The following AGPAT3 variants were observed in gnomAD, a reference collection of about 807,000 sequenced individuals.
AGPAT3 encodes 1-acyl-sn-glycerol-3-phosphate acyltransferase gamma.
AGPAT3 carries 5 observed loss-of-function variants against 47.3 expected under a neutral mutation model. The ratio of observed to expected loss-of-function variants is 0.11; its 90% CI spans 0.06 to 0.22. The LOEUF is 0.22. AGPAT3 is among the 10% of genes least tolerant of loss of function. The pLI is 1.00. For missense variants in AGPAT3, 315 were observed against 493.0 expected (o/e 0.64, Z 3.42); for synonymous variants, 212 against 208.3 (o/e 1.02, Z -0.15).
chr21:43,968,989 C>T (rs2089275535), intron 4 of AGPAT3, 129 bp from the exon 5 acceptor site: 1 of 955,592 alleles, frequency 1.0e-6, no homozygotes. Context: ...ACAGCAGACC[C>T]CCTGAGCCAC....
At chr21:43,978,902 A>T (rs905684671) in intron 8 of AGPAT3, among the ~76,000 whole-genome samples, 1 of 152,228 alleles carries the variant, frequency 6.6e-6, no homozygotes. Context: ...TGCATGGGGC[A>T]TTCGATTTCC....
Position 43,899,553 on chromosome 21 carries a change from C to T in AGPAT3, c.-111-4404C>T, listed in dbSNP as rs145662863. ...ATCCCCGGGACGCCCTTGCCCTTAC[C>T]GAGTGCGTTGGGGAGGGCTGGCAGA... On this transcript the variant is annotated intron_variant, in intron 1 of 9. Coordinates refer to ENST00000291572, the MANE Select transcript of AGPAT3 (RefSeq NM_020132.5). Among the ~76,000 whole-genome samples the T allele has an allele frequency of 3.8e-4, 58 of 152,278 alleles. 2 individuals carry two copies. The East Asian group carries it at 8.9e-3, about 23-fold the overall frequency.
rs894460419 is a variant in AGPAT3 at position 43,981,142 on chromosome 21, G to A, written c.997G>A (p.Gly333Arg). ...FSFVLGVFAS[G>R]SPLLILTFLG... ...TTTTGTCTTGGGCGTCTTTGCCAGC[G>A]GATCACCTCTCCTGATCCTGACTTT... is the stretch of plus-strand genomic sequence containing the variant. The change falls in exon 9 of 10, where the codon GGA becomes AGA. Residue 333 changes from glycine to arginine, a missense_variant. Gly to Arg is a moderately radical substitution (Grantham distance 125). Transcript: ENST00000291572. This position sits in a 1 kb window ranked among gnomAD's most constrained non-coding sequence, Gnocchi z 5.3. 11 of 1,614,136 alleles carry A rather than the reference G, an allele frequency of 6.8e-6. No individual in the cohort carries two copies. The highest frequency in any genetic ancestry group is 1.1e-5 in the South Asian group (1 of 91,078).
intron 1 of AGPAT3, among the ~76,000 whole-genome samples, chr21:43,870,067 G>A (rs1198907033): frequency 6.6e-6 from 1 of 152,168 alleles, no homozygotes; most frequent in Admixed American, 6.5e-5. Context: ...TCCCAACTGT[G>A]ACTCATTATG....
intron 2 of AGPAT3, among the ~76,000 whole-genome samples, chr21:43,906,405 C>T (rs117497369): frequency 3.7e-4 from 56 of 152,184 alleles, no homozygotes; most frequent in Non-Finnish European, 6.0e-4. Context: ...CAGTACCTCT[C>T]GAAAGGTGCC....
At chr21:43,877,949 C>T (rs1196668680) in intron 1 of AGPAT3, among the ~76,000 whole-genome samples, 1 of 152,122 alleles carries the variant, frequency 6.6e-6, no homozygotes, top group Non-Finnish European at 1.5e-5. Flanking sequence ...CACGATTCCC[C>T]TTGCCCGCCT....
At position 43,970,519 on chromosome 21, in the gene AGPAT3, C is replaced by A; in HGVS notation, c.511-134C>A. ...AACCTTTCAGTCATAACCCATGCTGCTCGCTAAAGCGGTTCCAAGATTTCC... is the reference window on the plus strand; with the variant it reads ...AACCTTTCAGTCATAACCCATGCTGATCGCTAAAGCGGTTCCAAGATTTCC... On this transcript the variant is annotated intron_variant, in intron 5 of 9. Transcript: ENST00000291572. The surrounding 1 kb of genome is among the most constrained non-coding windows in gnomAD (Gnocchi z 5.8). 1 of 882,806 alleles carries A rather than the reference C, an allele frequency of 1.1e-6. No homozygotes were observed. Among genetic ancestry groups the A allele is most frequent in the Non-Finnish European group, 1.7e-6 (1 of 585,686 alleles). 54.7% of individuals were successfully genotyped at this position (882,806 alleles called of 1,614,324 possible). A position where few individuals can be genotyped will look rare whatever the true frequency, so the allele number is the denominator to read the frequency against.
chr21:43,904,705 A>T (rs560456085), intron 2 of AGPAT3, among the ~76,000 whole-genome samples: 22 of 152,200 alleles, frequency 1.4e-4, no homozygotes, highest in African/African-American at 4.6e-4. Flanking sequence ...GCCCCTGCCC[A>T]CTGCTCCCAT....
rs1446565972 is a variant in AGPAT3, at chr21:43,930,458, G to A, written c.-49+26439G>A. 3.3e-5 allele frequency among the ~76,000 whole-genome samples: 5 copies of A among 152,304 alleles called. No individual in the cohort carries two copies. Among genetic ancestry groups the A allele is most frequent in the South Asian group, 2.1e-4 (1 of 4,828 alleles). On this transcript the variant is annotated intron_variant, in intron 2 of 9. Transcript: ENST00000291572. This position sits in a 1 kb window ranked among gnomAD's most constrained non-coding sequence, Gnocchi z 5.0. ...TCAGGGTTGCCCGTGCGACCTCAGC[G>A]TGGCCCATGGGACCTCGCTGTGGTG...
intron 2 of AGPAT3, among the ~76,000 whole-genome samples, chr21:43,923,487 A>G (rs1320140872): frequency 6.6e-6 from 1 of 152,048 alleles, no homozygotes; most frequent in Non-Finnish European, 1.5e-5. Context: ...GCGCCCTCCA[A>G]TTCCATTGAG....
chr21:43,984,242 G>GGGCAGGGCATGCGCTCCCCT lies in AGPAT3; in HGVS notation c.*1854_*1873dup, dbSNP rs2030022016. 1 of 152,318 alleles carries GGGCAGGGCATGCGCTCCCCT rather than the reference G, an allele frequency of 6.6e-6. No individual in the cohort carries two copies. Among genetic ancestry groups the GGGCAGGGCATGCGCTCCCCT allele is most frequent in the South Asian group, 2.1e-4 (1 of 4,836 alleles). 9.4% of individuals were successfully genotyped at this position (152,318 alleles called of 1,614,324 possible). ...CCGCCCACTCGGGCAGCTGTGCCGT[G>GGGCAGGGCATGCGCTCCCCT]GGCAGGGCATGCGCTCCCCTGGCTG... On this transcript the variant is annotated 3_prime_UTR_variant, in exon 10 of 10. Transcript: ENST00000291572.
intron 1 of AGPAT3, among the ~76,000 whole-genome samples, chr21:43,877,529 G>GC (rs943610514): frequency 4.0e-5 from 6 of 151,620 alleles, no homozygotes; most frequent in Non-Finnish European, 7.4e-5. Flanking sequence ...CACAACTTCC[G>GC]CCCCCCGGGT....
intron 1 of AGPAT3, among the ~76,000 whole-genome samples, chr21:43,875,661 G>T (rs2085718096): frequency 1.3e-5 from 2 of 152,210 alleles, no homozygotes; most frequent in Admixed American, 1.3e-4. Context: ...AGGCTGGAGT[G>T]CAGTGGTGCA....
At chr21:43,885,468 A>G (rs2085955255) in intron 1 of AGPAT3, among the ~76,000 whole-genome samples, 1 of 148,622 alleles carries the variant, frequency 6.7e-6, no homozygotes, top group Non-Finnish European at 1.5e-5. Flanking sequence ...AGCTCACTGC[A>G]ACCTCCACCT....
At chr21:43,878,081 T>A (rs2085773364) in intron 1 of AGPAT3, among the ~76,000 whole-genome samples, 1 of 152,130 alleles carries the variant, frequency 6.6e-6, no homozygotes, top group Admixed American at 6.5e-5. Context: ...TCAGTGGCCC[T>A]GCGCTTTCCC....
At chr21:43,903,705 T>A (rs539162237) in intron 1 of AGPAT3, among the ~76,000 whole-genome samples, 1 of 152,292 alleles carries the variant, frequency 6.6e-6, no homozygotes, top group African/African-American at 2.4e-5. Context: ...CCGGGACTGT[T>A]CATTTATGAG....
rs919919130 is a variant in AGPAT3, at chr21:43,890,578, C to A, written c.-111-13379C>A. 4.0e-5 allele frequency among the ~76,000 whole-genome samples: 6 copies of A among 151,082 alleles called. No homozygotes were observed. In the East Asian group the frequency reaches 1.2e-3, roughly 30 times the overall value. On this transcript the variant is annotated intron_variant, in intron 1 of 9. Transcript: ENST00000291572. ...CAGGTGTGAGCCACCATGCCTGGCTCATTTTTGCACTTTTTGTAGAGATGG... is the reference window on the plus strand; with the variant it reads ...CAGGTGTGAGCCACCATGCCTGGCTAATTTTTGCACTTTTTGTAGAGATGG...
chr21:43,929,725 G>A (rs953658364), intron 2 of AGPAT3, among the ~76,000 whole-genome samples: 3 of 152,220 alleles, frequency 2.0e-5, no homozygotes, highest in Admixed American at 6.5e-5. Flanking sequence ...GAGAAGACGC[G>A]GCCCACATTC....
Position 43,922,926 on chromosome 21 carries a change from G to A in AGPAT3, c.-49+18907G>A, listed in dbSNP as rs1370782764. ...TGGGCATGGGGCGCCTGTCCCCAGC[G>A]GGGCGGGCTCTGGGGTGCGAGCGTC... On this transcript the variant is annotated intron_variant, in intron 2 of 9. Coordinates refer to ENST00000291572, the MANE Select transcript of AGPAT3 (RefSeq NM_020132.5). The surrounding 1 kb of genome is among the most constrained non-coding windows in gnomAD (Gnocchi z 4.9). Among the ~76,000 whole-genome samples the A allele has an allele frequency of 6.6e-6, 1 of 152,246 alleles. No individual in the cohort carries two copies. Among genetic ancestry groups the A allele is most frequent in the African/African-American group, 2.4e-5 (1 of 41,470 alleles).
Sources: gnomAD v4.1 joint callset for allele counts (sites outside exome capture counted in the v4.1 genomes callset) on GRCh38, gnomAD v4.1.1 for gene constraint, Gnocchi (gnomAD v3.1) non-coding constraint, MANE v1.5 for transcripts, NCBI Gene and HGNC (gene_info 2026-07-23, HGNC 2026-07-21) for gene names.